Variants in SHC4 observed in about 807,000 individuals in gnomAD.
SHC4 encodes the protein SHC adaptor protein 4, also known as SHC-transforming protein 4.
SHC4 carries 41 observed loss-of-function variants against 69.4 expected under a neutral mutation model. That is an observed-to-expected ratio of 0.59 (90% CI 0.46 to 0.77). The LOEUF is 0.77. SHC4 is among the 30% of genes least tolerant of loss of function. SHC4 has a pLI of 0.00. For missense variants in SHC4, 777 were observed against 783.8 expected, an observed-to-expected ratio of 0.99 and a Z score of 0.10; for synonymous variants, 318 against 299.3, an observed-to-expected ratio of 1.06 and a Z score of -0.64.
At position 48,825,768 on chromosome 15, in the gene SHC4, C is replaced by G; in HGVS notation, c.*203G>C. On this transcript the variant is annotated 3_prime_UTR_variant, in exon 12 of 12. Transcript: ENST00000332408. ...AATTTCTTTTAAAATGACCAACCCT[C>G]TTCCTCTTTTCTGATTTTCATTTCT... is the stretch of plus-strand genomic sequence containing the variant. The G allele has an allele frequency of 1.7e-6, 1 of 579,792 alleles. No individual in the cohort carries two copies. The highest frequency in any genetic ancestry group is 2.9e-6 in the Non-Finnish European group (1 of 349,600). The allele number at this position is 579,792 out of a possible 1,614,324, so 35.9% of individuals were successfully genotyped here.
At chr15:48,882,934 C>T (rs778945812) in intron 4 of SHC4, among the ~76,000 whole-genome samples, 5 of 152,192 alleles carry the variant, frequency 3.3e-5, no homozygotes, top group Non-Finnish European at 7.3e-5. Flanking sequence ...CCAATGGTAT[C>T]ACCACTCTTG....
At chr15:48,909,699 G>T (rs1203563668) in intron 2 of SHC4, among the ~76,000 whole-genome samples, 1 of 152,138 alleles carries the variant, frequency 6.6e-6, no homozygotes, top group Non-Finnish European at 1.5e-5. Flanking sequence ...GTTTGTCATA[G>T]ATGGCTTTTA....
intron 1 of SHC4, among the ~76,000 whole-genome samples, chr15:48,934,790 T>C (rs1156696842): frequency 6.6e-6 from 1 of 152,216 alleles, no homozygotes; most frequent in African/African-American, 2.4e-5. Context: ...TATTGATACA[T>C]GCTGCAGCAT....
At chr15:48,873,164 A>T (rs1042451766) in intron 4 of SHC4, among the ~76,000 whole-genome samples, 3 of 152,210 alleles carry the variant, frequency 2.0e-5, no homozygotes, top group Admixed American at 2.0e-4. Flanking sequence ...ATGTTTGCTG[A>T]GCAAAAGAAG....
intron 1 of SHC4, among the ~76,000 whole-genome samples, chr15:48,958,285 C>A (rs1453228483): frequency 2.0e-5 from 3 of 152,242 alleles, no homozygotes; most frequent in Non-Finnish European, 4.4e-5. Context: ...ACTCCATTCC[C>A]ATACTTCAGA....
intron 11 of SHC4, among the ~76,000 whole-genome samples, chr15:48,834,544 T>C (rs1898864187): frequency 1.3e-5 from 2 of 152,138 alleles, no homozygotes; most frequent in Admixed American, 1.3e-4. Context: ...TGAATTGAAT[T>C]GAAAAGGGCA....
chr15:48,962,631 C>A lies in SHC4; in HGVS notation c.385G>T (p.Gly129Cys), dbSNP rs754064873. Reference protein sequence around the residue: ...LQESRDPGSSGPSSPETSLSR... With the variant: ...LQESRDPGSSCPSSPETSLSR... ...AAACTGGTTTCTGGGGAAGAGGGGC[C>A]GCTGGAACCTGGGTCCCGGCTTTCC... Residue 129 changes from glycine (G) to cysteine (C), a missense_variant, in exon 1 of 12, where the codon GGC (glycine) becomes TGC (cysteine). Gly to Cys is a radical substitution (Grantham distance 159, BLOSUM62 -3). Transcript: ENST00000332408. The A allele has an allele frequency of 1.7e-5, 27 of 1,614,154 alleles. No homozygotes were observed. Among genetic ancestry groups the A allele is most frequent in the Non-Finnish European group, 2.2e-5 (26 of 1,180,026 alleles).
At chr15:48,945,130 G>T (rs1410564772) in intron 1 of SHC4, among the ~76,000 whole-genome samples, 2 of 152,222 alleles carry the variant, frequency 1.3e-5, no homozygotes, top group African/African-American at 4.8e-5. Flanking sequence ...AGATTGAAAT[G>T]TTGGGTCCTC....
chr15:48,950,695 C>G (rs1901352068), intron 1 of SHC4, among the ~76,000 whole-genome samples: 1 of 152,102 alleles, frequency 6.6e-6, no homozygotes. Context: ...CTGCGTGCAG[C>G]AAGACAGAGT....
chr15:48,921,060 A>G (rs1481402321), intron 2 of SHC4, among the ~76,000 whole-genome samples: 1 of 152,220 alleles, frequency 6.6e-6, no homozygotes, highest in Non-Finnish European at 1.5e-5. Flanking sequence ...CAACCCATTT[A>G]TCTATTGACT....
At chr15:48,854,354 A>G (rs1223614611) in intron 8 of SHC4, among the ~76,000 whole-genome samples, 2 of 152,246 alleles carry the variant, frequency 1.3e-5, no homozygotes, top group East Asian at 3.8e-4. Flanking sequence ...GAATGCTCAT[A>G]CACTGTTGGT....
chr15:48,851,636 T>C (rs892705415), intron 8 of SHC4, among the ~76,000 whole-genome samples: 1 of 152,304 alleles, frequency 6.6e-6, no homozygotes, highest in Non-Finnish European at 1.5e-5. Context: ...ATTGGTAGAT[T>C]GGATTTCTAC....
At chr15:48,912,806 C>G (rs1196362490) in intron 2 of SHC4, among the ~76,000 whole-genome samples, 2 of 152,174 alleles carry the variant, frequency 1.3e-5, no homozygotes, top group African/African-American at 2.4e-5. Context: ...TTCTCTCCCC[C>G]TTTTCCTATG....
rs935503154 is a variant in SHC4 at position 48,963,325 on chromosome 15, C to G, written c.-310G>C. ...GGCGGCGCGGGTCGCTCACGGCCAACTCTTAGGCGCAGAACCCGGGCGAGC... is the reference window on the plus strand; with the variant it reads ...GGCGGCGCGGGTCGCTCACGGCCAAGTCTTAGGCGCAGAACCCGGGCGAGC... On this transcript the variant is annotated 5_prime_UTR_variant, in exon 1 of 12. Coordinates refer to ENST00000332408, the MANE Select transcript of SHC4 (RefSeq NM_203349.4). The G allele has an allele frequency of 1.2e-5, 4 of 334,464 alleles. No homozygotes were observed. The highest frequency in any genetic ancestry group is 2.2e-5 in the Non-Finnish European group (4 of 183,358). 20.7% of individuals were successfully genotyped at this position (334,464 alleles called of 1,614,324 possible).
At chr15:48,855,907 G>A (rs1899303199) in intron 8 of SHC4, 46 bp downstream of exon 8, 3 of 1,560,120 alleles carry the variant, frequency 1.9e-6, no homozygotes, top group Non-Finnish European at 2.6e-6. Context: ...TAGTGATAAG[G>A]GCAGAATTGC....
chr15:48,878,111 G>A (rs967761485), intron 4 of SHC4: 2 of 1,504,538 alleles, frequency 1.3e-6, no homozygotes, highest in South Asian at 1.4e-5. Context: ...GCACGCGCAC[G>A]AACGCACGGC....
At chr15:48,916,710 T>A (rs1389037267) in intron 2 of SHC4, among the ~76,000 whole-genome samples, 1 of 152,104 alleles carries the variant, frequency 6.6e-6, no homozygotes, top group Non-Finnish European at 1.5e-5. Flanking sequence ...TCTTTAACAG[T>A]TCCCCATTTT....
chr15:48,883,309 G>C (rs954844781), intron 4 of SHC4, among the ~76,000 whole-genome samples: 4 of 152,086 alleles, frequency 2.6e-5, no homozygotes, highest in Admixed American at 1.3e-4. Flanking sequence ...TTATAAATAA[G>C]TACCATAATC....
chr15:48,833,929 A>G (rs1898854356), intron 11 of SHC4, among the ~76,000 whole-genome samples: 1 of 152,210 alleles, frequency 6.6e-6, no homozygotes, highest in African/African-American at 2.4e-5. Flanking sequence ...TGGTTCTCAT[A>G]AAGGTATTTT....
Sources: allele counts gnomAD v4.1 joint callset (sites outside exome capture counted in the v4.1 genomes callset), GRCh38; gene constraint gnomAD v4.1.1; transcripts MANE v1.5; gene names NCBI Gene and HGNC (gene_info 2026-07-23, HGNC 2026-07-21).